Variants in MEP1B observed in about 807,000 individuals in gnomAD.
MEP1B encodes the protein meprin A subunit beta.
In MEP1B, 80 loss-of-function variants were observed where a neutral mutation model predicts 84.6. The observed-to-expected ratio is 0.95, with a 90% CI of 0.79 to 1.14. The LOEUF (loss-of-function observed/expected upper bound fraction) is 1.14. Ranked by LOEUF, MEP1B falls within the 50% of genes most tolerant of loss-of-function variation. The probability of loss-of-function intolerance (pLI) is 0.00; values close to 1 mark genes in which losing one functional copy is unlikely to be tolerated. For missense variants in MEP1B, 766 were observed against 855.1 expected (o/e 0.90, Z 1.30); for synonymous variants, 273 against 288.1 (o/e 0.95, Z 0.53).
chr18:32,202,767 A>T, intron 5 of MEP1B, 126 bp from the exon 6 acceptor site: 1 of 615,772 alleles, frequency 1.6e-6, no homozygotes, highest in Non-Finnish European at 2.9e-6. Flanking sequence ...GTAAAAATAA[A>T]AGACTCAACA....
intron 9 of MEP1B, among the ~76,000 whole-genome samples, chr18:32,209,584 G>A (rs1353611060): frequency 1.3e-5 from 2 of 152,012 alleles, no homozygotes; most frequent in South Asian, 2.1e-4. Flanking sequence ...AAGTATTGCA[G>A]ATAATGAAAG....
At chr18:32,217,739 G>A (rs570821944) in intron 13 of MEP1B, 22 bp from the exon 14 acceptor site, 2 of 1,597,294 alleles carry the variant, frequency 1.3e-6, no homozygotes, top group Non-Finnish European at 1.7e-6. Flanking sequence ...TAATAACTCT[G>A]AGTCATGCTC....
At chr18:32,213,067 A>G in intron 10 of MEP1B, 49 bp from the exon 11 acceptor site, 2 of 1,521,664 alleles carry the variant, frequency 1.3e-6, no homozygotes, top group Non-Finnish European at 1.8e-6. Flanking sequence ...GTTGACATGT[A>G]CATGATTTGA....
At position 32,213,453 on chromosome 18, in the gene MEP1B, A is replaced by ATT; in HGVS notation, c.1474_1475insTT (p.Cys492PhefsTer9). 1 of 1,613,926 alleles carries ATT rather than the reference A, an allele frequency of 6.2e-7. No homozygotes were observed. Among genetic ancestry groups the ATT allele is most frequent in the South Asian group, 1.1e-5 (1 of 91,084 alleles). On this transcript the variant is annotated frameshift_variant, in exon 11 of 15. Transcript: ENST00000269202. LOFTEE classifies it high-confidence loss of function. ...CCAATGATGATCAATTACAGTGGCC[A>ATT]TGTCCTTGGCAACAAGCCACAATGA...
Position 32,210,568 on chromosome 18 carries a change from T to C in MEP1B, c.987T>C (p.Ser329=), listed in dbSNP as rs777062962. ...TGGGGGCCACAGCAGTGCTGGAAAG[T>C]AGAACGCTGTACCCTAAAAGAGGAT... is the stretch of plus-strand genomic sequence containing the variant. ...VNVGATAVLE[S]RTLYPKRGFQ... is the part of the protein sequence containing the mutation. Residue 329 remains serine, a synonymous_variant, in exon 10 of 15, where the codon AGT becomes AGC. Transcript: ENST00000269202. The C allele has an allele frequency of 5.0e-6, 8 of 1,613,928 alleles. No individual in the cohort carries two copies. Among genetic ancestry groups the C allele is most frequent in the Non-Finnish European group, 6.8e-6 (8 of 1,179,900 alleles).
chr18:32,218,927 A>G (rs150492850), intron 14 of MEP1B, among the ~76,000 whole-genome samples: 21 of 152,340 alleles, frequency 1.4e-4, no homozygotes, highest in African/African-American at 4.8e-4. Context: ...GCAGTAGAGT[A>G]CAGAGTTTTA....
Position 32,196,698 on chromosome 18 carries a change from C to T in MEP1B, c.250+1213C>T. The T allele has an allele frequency of 6.2e-6, 4 of 641,622 alleles. No homozygotes were observed. The highest frequency in any genetic ancestry group is 1.1e-5 in the Non-Finnish European group (4 of 352,122). The allele number at this position is 641,622 out of a possible 1,614,324, so 39.7% of individuals were successfully genotyped here. A position where few individuals can be genotyped will look rare whatever the true frequency, so the allele number is the denominator to read the frequency against. The stretch of plus-strand genomic sequence containing the variant: ...GCACCAGCGCATGAGGTAGTGGGCG[C>T]CCTGCAGCAGGCTGAGGGCCAGGGA... On this transcript the variant is annotated intron_variant, in intron 5 of 14. Transcript: ENST00000269202. The surrounding 1 kb of genome is among the most constrained non-coding windows in gnomAD (Gnocchi z 4.4).
intron 14 of MEP1B, 67 bp downstream of exon 14, chr18:32,218,032 C>A: frequency 7.0e-7 from 1 of 1,435,760 alleles, no homozygotes. Context: ...GGAACTAGGA[C>A]ATTTTTTATA....
chr18:32,216,660 G>A (rs1019654122), intron 12 of MEP1B, among the ~76,000 whole-genome samples: 12 of 152,102 alleles, frequency 7.9e-5, no homozygotes, highest in African/African-American at 2.4e-4. Context: ...TTCTTATCTC[G>A]CTGCCTATGA....
In MEP1B at chr18:32,194,826, A is replaced by AT. The variant is rs545861170; in HGVS notation, c.172-570dup. On this transcript the variant is annotated intron_variant, in intron 4 of 14. Coordinates refer to ENST00000269202, the MANE Select transcript of MEP1B (RefSeq NM_005925.3). ...CCTATTGCATTCATCCTGCTTAAAC[A>AT]TTTTTTTTTTTACATACTCTTTCTG... 2.6e-3 allele frequency among the ~76,000 whole-genome samples: 380 copies of AT among 145,658 alleles called. 2 individuals are homozygous for AT. Among genetic ancestry groups the AT allele is most frequent in the East Asian group, 3.6e-3 (18 of 5,038 alleles).
Position 32,196,687 on chromosome 18 carries a change from G to A in MEP1B, c.250+1202G>A. ...GTCTTCCCCAAGCACCAGCGCATGA[G>A]GTAGTGGGCGCCCTGCAGCAGGCTG... On this transcript the variant is annotated intron_variant, in intron 5 of 14. Coordinates refer to ENST00000269202, the MANE Select transcript of MEP1B (RefSeq NM_005925.3). The surrounding 1 kb of genome is among the most constrained non-coding windows in gnomAD (Gnocchi z 4.4). 1.5e-6 allele frequency: 1 copy of A among 649,882 alleles called. No individual in the cohort carries two copies. 40.3% of individuals were successfully genotyped at this position (649,882 alleles called of 1,614,324 possible).
At chr18:32,215,836 G>T (rs1389301681) in intron 12 of MEP1B, among the ~76,000 whole-genome samples, 2 of 151,748 alleles carry the variant, frequency 1.3e-5, no homozygotes, top group Non-Finnish European at 2.9e-5. Flanking sequence ...AAAAAGAAAA[G>T]AAATAAGTTA....
intron 14 of MEP1B, among the ~76,000 whole-genome samples, chr18:32,219,608 T>C (rs7233697): frequency 0.08 from 12,130 of 152,064 alleles, 530 homozygotes; most frequent in East Asian, 0.14. Context: ...TGCCAGGATA[T>C]TTCCCTGACA....
chr18:32,198,086 G>C (rs28562846), intron 5 of MEP1B, among the ~76,000 whole-genome samples: 15,727 of 152,236 alleles, frequency 0.1, 1,394 homozygotes, highest in African/African-American at 0.24. Context: ...ATTATGATTA[G>C]TGATGTGTTC....
intron 4 of MEP1B, among the ~76,000 whole-genome samples, chr18:32,193,832 C>G (rs1568263320): frequency 6.6e-6 from 1 of 152,142 alleles, no homozygotes; most frequent in South Asian, 2.1e-4. Context: ...TCTGTGCTCT[C>G]TCTTGATCTC....
Position 32,196,833 on chromosome 18 carries a change from C to T in MEP1B, c.250+1348C>T, listed in dbSNP as rs1170407471. ...GCTCATCAGCACTGCCTTCTGCTGG[C>T]TTCTCAGGGCCTCTGCGTACTTGCC... On this transcript the variant is annotated intron_variant, in intron 5 of 14. Transcript: ENST00000269202. The surrounding 1 kb of genome is among the most constrained non-coding windows in gnomAD (Gnocchi z 4.4). The T allele has an allele frequency of 1.7e-6, 1 of 590,988 alleles. No homozygotes were observed. Among genetic ancestry groups the T allele is most frequent in the Non-Finnish European group, 3.1e-6 (1 of 322,608 alleles). The allele number at this position is 590,988 out of a possible 1,614,324, so 36.6% of individuals were successfully genotyped here.
intron 5 of MEP1B, among the ~76,000 whole-genome samples, chr18:32,198,698 G>C (rs55914230): frequency 3.9e-3 from 590 of 152,240 alleles, no homozygotes; most frequent in Non-Finnish European, 6.8e-3. Flanking sequence ...GGGTCTTCCC[G>C]GTGTTAAAGA....
chr18:32,208,090 T>A, intron 8 of MEP1B, 29 bp from the exon 9 acceptor site: 1 of 1,609,266 alleles, frequency 6.2e-7, no homozygotes, highest in Non-Finnish European at 8.5e-7. Context: ...GTTGTATGAG[T>A]GTCAATAATT....
intron 1 of MEP1B, among the ~76,000 whole-genome samples, chr18:32,190,944 A>T (rs1463161590): frequency 7.9e-5 from 12 of 152,130 alleles, no homozygotes; most frequent in Admixed American, 7.9e-4. Context: ...GTATTTAGAT[A>T]TGTAAGCTGT....
Sources: gnomAD v4.1 joint callset for allele counts (sites outside exome capture counted in the v4.1 genomes callset) on GRCh38, gnomAD v4.1.1 for gene constraint, Gnocchi (gnomAD v3.1) non-coding constraint, MANE v1.5 for transcripts, NCBI Gene and HGNC (gene_info 2026-07-23, HGNC 2026-07-21) for gene names.